SUPT3H: variants seen among roughly 807,000 people sequenced by gnomAD.
SUPT3H encodes transcription initiation protein SPT3 homolog.
Under a neutral mutation model 44.3 loss-of-function variants are expected in SUPT3H, and 44 were observed. That is an observed-to-expected ratio of 0.99 (90% CI 0.78 to 1.28). The LOEUF (loss-of-function observed/expected upper bound fraction) is 1.28, where lower values mean the gene tolerates loss of function less well. Among genes scored for constraint, SUPT3H ranks in the 50% most tolerant of loss-of-function variants. The probability of loss-of-function intolerance (pLI) is 0.00; values close to 1 mark genes in which losing one functional copy is unlikely to be tolerated. For missense variants in SUPT3H, 380 were observed against 387.1 expected (o/e 0.98, Z 0.15); for synonymous variants, 124 against 125.6 (o/e 0.99, Z 0.09).
chr6:45,013,444 C>T lies in SUPT3H; in HGVS notation c.364+1357G>A, dbSNP rs577417970. ...CTAAGGTCTGAGCCGAACATCTGTA[C>T]CACTGTACTGAAGCTGAGGGTGGAC... On this transcript the variant is annotated intron_variant, in intron 5 of 10. Coordinates refer to ENST00000371459, the MANE Select transcript of SUPT3H (RefSeq NM_003599.4). Among the ~76,000 whole-genome samples the T allele has an allele frequency of 3.3e-5, 5 of 152,166 alleles. No individual in the cohort carries two copies. The East Asian group carries it at 5.8e-4, about 18-fold the overall frequency.
chr6:45,177,136 A>G (rs1433984104), intron 2 of SUPT3H, among the ~76,000 whole-genome samples: 1 of 152,218 alleles, frequency 6.6e-6, no homozygotes, highest in Non-Finnish European at 1.5e-5. Context: ...ACGGGCGGAC[A>G]TTCAAACCAA....
intron 2 of SUPT3H, among the ~76,000 whole-genome samples, chr6:45,202,146 G>C (rs1389454443): frequency 6.6e-6 from 1 of 151,738 alleles, no homozygotes; most frequent in Non-Finnish European, 1.5e-5. Flanking sequence ...AAGAAATCCA[G>C]CTCTCAAAAT....
At chr6:44,923,594 G>A (rs1238852841) in intron 10 of SUPT3H, among the ~76,000 whole-genome samples, 1 of 152,048 alleles carries the variant, frequency 6.6e-6, no homozygotes, top group Non-Finnish European at 1.5e-5. Context: ...AATTTCAGGT[G>A]TTTACTAATA....
chr6:45,090,641 A>T (rs1249498035), intron 3 of SUPT3H, among the ~76,000 whole-genome samples: 1 of 152,028 alleles, frequency 6.6e-6, no homozygotes, highest in African/African-American at 2.4e-5. Flanking sequence ...TACTAAATAT[A>T]ATGTACTCAT....
chr6:45,357,885 G>C (rs1793526464), intron 2 of SUPT3H, among the ~76,000 whole-genome samples: 1 of 151,890 alleles, frequency 6.6e-6, no homozygotes, highest in African/African-American at 2.4e-5. Flanking sequence ...TTTTCAGAAA[G>C]ACTAAGAGTA....
At chr6:44,812,803 G>A (rs1048300921) in intron 11 of SUPT3H, among the ~76,000 whole-genome samples, 2 of 152,182 alleles carry the variant, frequency 1.3e-5, no homozygotes, top group African/African-American at 4.8e-5. Flanking sequence ...GGGAAGCAGA[G>A]GTTGGAGTTT....
At chr6:44,844,555 T>TA (rs1771554224) in intron 10 of SUPT3H, among the ~76,000 whole-genome samples, 1 of 151,938 alleles carries the variant, frequency 6.6e-6, no homozygotes, top group African/African-American at 2.4e-5. Flanking sequence ...TCTTCAGCAA[T>TA]AAAAAAGGAA....
chr6:45,219,758 T>C (rs190824124), intron 2 of SUPT3H, among the ~76,000 whole-genome samples: 12 of 152,154 alleles, frequency 7.9e-5, no homozygotes, highest in African/African-American at 2.6e-4. Context: ...TAAAAAAGAA[T>C]TGCCAGGCGC....
intron 3 of SUPT3H, among the ~76,000 whole-genome samples, chr6:45,091,934 A>G (rs1797172650): frequency 6.6e-6 from 1 of 151,932 alleles, no homozygotes; most frequent in Admixed American, 6.6e-5. Context: ...ACAAATATCA[A>G]TACGCATACT....
In SUPT3H at chr6:44,864,185, C is replaced by T. The variant is rs190748740; in HGVS notation, c.913-34328G>A. Among the ~76,000 whole-genome samples, 32 of 152,338 alleles carry T rather than the reference C, an allele frequency of 2.1e-4. No individual in the cohort carries two copies. In the South Asian group the frequency reaches 5.2e-3, roughly 25 times the overall value. ...AAGTCTTATCTGAGACAAGGCAAGT[C>T]TCTTCCGCCTATGAGCCTGTAAAAT... On this transcript the variant is annotated intron_variant, in intron 10 of 10. Transcript: ENST00000371459.
At chr6:44,961,596 T>C (rs1169266976) in intron 7 of SUPT3H, among the ~76,000 whole-genome samples, 157 bp downstream of exon 7, 1 of 152,190 alleles carries the variant, frequency 6.6e-6, no homozygotes, top group Non-Finnish European at 1.5e-5. Flanking sequence ...AAATCATTTA[T>C]AGGCTCCCCA....
chr6:44,885,431 G>A (rs933674794), intron 10 of SUPT3H, among the ~76,000 whole-genome samples: 2 of 152,012 alleles, frequency 1.3e-5, no homozygotes, highest in Non-Finnish European at 2.9e-5. Context: ...CCAGAGGAAC[G>A]ATCAGACAGC....
At chr6:45,291,466 G>A (rs1043502110) in intron 2 of SUPT3H, among the ~76,000 whole-genome samples, 1 of 152,160 alleles carries the variant, frequency 6.6e-6, no homozygotes, top group East Asian at 1.9e-4. Context: ...TGATGTACCT[G>A]AAAAACAATT....
At chr6:45,158,298 A>ATATATTTTTTTTT in intron 2 of SUPT3H, among the ~76,000 whole-genome samples, 2 of 99,692 alleles carry the variant, frequency 2.0e-5, no homozygotes, top group African/African-American at 1.0e-4. Flanking sequence ...ATATATATAT[A>ATATATTTTTTTTT]TTTTTTTTTT....
At chr6:44,923,320 G>GA (rs1278691542) in intron 10 of SUPT3H, among the ~76,000 whole-genome samples, 1 of 152,070 alleles carries the variant, frequency 6.6e-6, no homozygotes, top group Non-Finnish European at 1.5e-5. Context: ...CTATGTTCCT[G>GA]AAAATTCTAG....
chr6:45,062,455 G>A (rs1271304041), intron 3 of SUPT3H, among the ~76,000 whole-genome samples: 10 of 151,586 alleles, frequency 6.6e-5, no homozygotes, highest in Non-Finnish European at 1.5e-4. Flanking sequence ...TAGGGGTGAG[G>A]AGCCAAGATG....
rs753429529 is a variant in SUPT3H at position 45,014,820 on chromosome 6, A to G, written c.345T>C (p.Asp115=). 3.8e-6 allele frequency: 6 copies of G among 1,592,850 alleles called. No homozygotes were observed. The South Asian group carries it at 4.6e-5, about 12-fold the overall frequency. ...GGTTACCTTCGAGAAGATCATCCTC[A>G]TCGATGCCTTTGACAATCTTTGATT... ...DYKSKIVKGI[D]EDDLLEDKLS... Residue 115 remains aspartate, a synonymous_variant, in exon 5 of 11, where the codon GAT becomes GAC. Coordinates refer to ENST00000371459, the MANE Select transcript of SUPT3H (RefSeq NM_003599.4).
intron 2 of SUPT3H, among the ~76,000 whole-genome samples, chr6:45,287,263 AAAAATAT>A (rs771374935): frequency 0.19 from 28,349 of 151,196 alleles, 4,233 homozygotes; most frequent in African/African-American, 0.41. Flanking sequence ...ATAAAAAATA[AAAAATAT>A]AAAAAATTAT....
chr6:45,096,062 C>CAT lies in SUPT3H; in HGVS notation c.186+9858_186+9859dup, dbSNP rs541576350. On this transcript the variant is annotated intron_variant, in intron 3 of 10. Transcript: ENST00000371459. ...GTTCCAGGAATTTCATTAACTCCTT[C>CAT]ATATATATATAATCTTTATGATGCT... Among the ~76,000 whole-genome samples the CAT allele has an allele frequency of 1.6e-4, 24 of 152,070 alleles. No individual in the cohort carries two copies. The South Asian group carries it at 4.4e-3, about 28-fold the overall frequency.
Sources: allele counts gnomAD v4.1 joint callset (sites outside exome capture counted in the v4.1 genomes callset), GRCh38; gene constraint gnomAD v4.1.1; transcripts MANE v1.5; gene names NCBI Gene and HGNC (gene_info 2026-07-23, HGNC 2026-07-21).